Variants in EHD4 observed in about 807,000 individuals in gnomAD.
EHD4 encodes EH domain containing 4.
A neutral mutation model predicts 51.0 loss-of-function variants in EHD4; 37 were observed. The observed-to-expected ratio is 0.73, with a 90% CI of 0.56 to 0.95. The LOEUF (loss-of-function observed/expected upper bound fraction) is 0.95, where lower values mean the gene tolerates loss of function less well. EHD4 is among the 40% of genes least tolerant of loss of function. The pLI is 0.00. For missense variants in EHD4, 632 were observed against 733.1 expected, an observed-to-expected ratio of 0.86 and a Z score of 1.59; for synonymous variants, 297 against 317.3, an observed-to-expected ratio of 0.94 and a Z score of 0.68.
In EHD4 at chr15:41,901,158, G is replaced by T. The variant is rs148605069; in HGVS notation, c.1113C>A (p.Phe371Leu). Residue 371 changes from phenylalanine (F) to leucine (L), a missense_variant, in exon 6 of 6, where the codon TTC becomes TTA. Transcript: ENST00000220325. The part of the protein sequence containing the change: ...AMQEQLENYD[F>L]TKFHSLKPKL... ...TGGGCTTCAGCGAGTGGAATTTGGT[G>T]AAGTCATAGTTCTCAAGCTGTTCCT... 9.1e-4 allele frequency: 1,420 copies of T among 1,566,362 alleles called. 1 individual carries two copies. Among genetic ancestry groups the T allele is most frequent in the Admixed American group, 1.5e-3 (78 of 52,958 alleles).
At position 41,948,080 on chromosome 15, in the gene EHD4, C is replaced by G. The variant is rs889875836; in HGVS notation, c.414-4916G>C. ...ATCAGCCTGGCCAACACAGTGAAAC[C>G]CTGTCTGTACTAAAAATACAAAAAT... On this transcript the variant is annotated intron_variant, in intron 2 of 5. Transcript: ENST00000220325. Among the ~76,000 whole-genome samples the G allele has an allele frequency of 4.7e-5, 7 of 147,964 alleles. No individual in the cohort carries two copies. The East Asian group carries it at 5.8e-4, about 12-fold the overall frequency.
intron 1 of EHD4, among the ~76,000 whole-genome samples, chr15:41,971,687 G>A (rs1042070346): frequency 2.6e-5 from 4 of 152,166 alleles, no homozygotes; most frequent in African/African-American, 9.7e-5. Context: ...CACTTCCTAC[G>A]GGCGGCTAAA....
chr15:41,964,123 TGACA>T (rs1292000358), intron 1 of EHD4, among the ~76,000 whole-genome samples: 1 of 114,504 alleles, frequency 8.7e-6, no homozygotes, highest in Non-Finnish European at 1.6e-5. Flanking sequence ...CCAGCCTGGG[TGACA>T]GAGTGAGACT....
chr15:41,956,167 C>T (rs114509535), intron 1 of EHD4, among the ~76,000 whole-genome samples: 2,039 of 152,302 alleles, frequency 0.013, 37 homozygotes, highest in African/African-American at 0.046. Context: ...CTGGCCAAGA[C>T]GGCCTACAAA....
intron 1 of EHD4, among the ~76,000 whole-genome samples, chr15:41,954,280 C>T (rs1272332786): frequency 1.3e-5 from 2 of 152,172 alleles, no homozygotes; most frequent in African/African-American, 2.4e-5. Flanking sequence ...ACTACAATTA[C>T]TTGTTTATGG....
At chr15:41,903,337 A>AC (rs2067490439) in intron 5 of EHD4, among the ~76,000 whole-genome samples, 1 of 138,124 alleles carries the variant, frequency 7.2e-6, no homozygotes, top group South Asian at 2.3e-4. Context: ...TGTAAAAAAA[A>AC]AAAACAGAAA....
chr15:41,919,575 T>C lies in EHD4; in HGVS notation c.559A>G (p.Arg187Gly). Reference sequence around the variant, plus strand: ...TGAGCGTCAAAGAGCAGGATGATCCTGTCCACCCTCTCGGCAAACCACTGC... The same window carrying C: ...TGAGCGTCAAAGAGCAGGATGATCCCGTCCACCCTCTCGGCAAACCACTGC... ...VLQWFAERVD[R>G]IILLFDAHKL... is the part of the protein sequence containing the mutation. Residue 187 changes from arginine (R) to glycine (G), a missense_variant, in exon 4 of 6, where the codon AGG becomes GGG. Transcript: ENST00000220325. 6.6e-7 allele frequency: 1 copy of C among 1,519,894 alleles called. No homozygotes were observed. Among genetic ancestry groups the C allele is most frequent in the Non-Finnish European group, 8.8e-7 (1 of 1,135,478 alleles). 94.2% of individuals were successfully genotyped at this position (1,519,894 alleles called of 1,614,324 possible).
chr15:41,922,701 T>C (rs1301127163), intron 3 of EHD4, among the ~76,000 whole-genome samples: 1 of 152,246 alleles, frequency 6.6e-6, no homozygotes, highest in Non-Finnish European at 1.5e-5. Flanking sequence ...TTAAAAAAGA[T>C]GCCATTTCAA....
At chr15:41,917,175 C>T (rs1320596719) in intron 4 of EHD4, among the ~76,000 whole-genome samples, 4 of 151,922 alleles carry the variant, frequency 2.6e-5, no homozygotes, top group Non-Finnish European at 5.9e-5. Flanking sequence ...GGCTGGAGTG[C>T]AGTGGCACGA....
Position 41,897,280 on chromosome 15 carries a change from A to G in EHD4, c.*3365T>C, listed in dbSNP as rs1189480640. On this transcript the variant is annotated 3_prime_UTR_variant, in exon 6 of 6. Coordinates refer to ENST00000220325, the MANE Select transcript of EHD4 (RefSeq NM_139265.4). Reference sequence around the variant, plus strand: ...CATCTTCAAGGCAATTGTCTCAGGCATCCTCCAGGCATCATGAAGGAGGGT... The same window carrying G: ...CATCTTCAAGGCAATTGTCTCAGGCGTCCTCCAGGCATCATGAAGGAGGGT... 1.3e-5 allele frequency: 2 copies of G among 152,240 alleles called. No homozygotes were observed. The highest frequency in any genetic ancestry group is 3.9e-4 in the East Asian group (2 of 5,188). The allele number at this position is 152,240 out of a possible 1,614,324, so 9.4% of individuals were successfully genotyped here.
chr15:41,919,352 CAGA>C lies in EHD4; in HGVS notation c.779_781del (p.Phe260del). 6.2e-7 allele frequency: 1 copy of C among 1,614,174 alleles called. No homozygotes were observed. The highest frequency in any genetic ancestry group is 8.5e-7 in the Non-Finnish European group (1 of 1,180,028). ...GTCCGTGTTCTGCAGGGGCTGCGCC[CAGA>C]AGGAGCCAATGTAGACGCGCAGTAC... On this transcript the variant is annotated inframe_deletion, in exon 4 of 6. Transcript: ENST00000220325.
chr15:41,961,085 C>T (rs1475742741), intron 1 of EHD4, among the ~76,000 whole-genome samples: 1 of 152,214 alleles, frequency 6.6e-6, no homozygotes, highest in African/African-American at 2.4e-5. Flanking sequence ...TTTGAAACTG[C>T]TGTGCCTACT....
At chr15:41,968,898 A>G (rs1437914495) in intron 1 of EHD4, among the ~76,000 whole-genome samples, 1 of 152,236 alleles carries the variant, frequency 6.6e-6, no homozygotes, top group Non-Finnish European at 1.5e-5. Flanking sequence ...GAACATTTTC[A>G]TCACATCAAA....
In EHD4 at chr15:41,919,574, C is replaced by T. The variant is rs2067610441; in HGVS notation, c.560G>A (p.Arg187Lys). Residue 187 changes from arginine to lysine, a missense_variant, in exon 4 of 6, where the codon AGG becomes AAG. By Grantham distance (26) the Arg-to-Lys change is conservative. Transcript: ENST00000220325. Reference sequence around the variant, plus strand: ...GTGAGCGTCAAAGAGCAGGATGATCCTGTCCACCCTCTCGGCAAACCACTG... The same window carrying T: ...GTGAGCGTCAAAGAGCAGGATGATCTTGTCCACCCTCTCGGCAAACCACTG... ...VLQWFAERVD[R>K]IILLFDAHKL... 6.6e-7 allele frequency: 1 copy of T among 1,519,952 alleles called. No individual in the cohort carries two copies. Among genetic ancestry groups the T allele is most frequent in the South Asian group, 1.3e-5 (1 of 75,108 alleles). The allele number at this position is 1,519,952 out of a possible 1,614,324, so 94.2% of individuals were successfully genotyped here.
At position 41,972,447 on chromosome 15, in the gene EHD4, G is replaced by T; in HGVS notation, c.48C>A (p.Gly16=). 1 of 1,577,194 alleles carries T rather than the reference G, an allele frequency of 6.3e-7. No individual in the cohort carries two copies. Among genetic ancestry groups the T allele is most frequent in the South Asian group, 1.1e-5 (1 of 87,102 alleles). The change falls in exon 1 of 6, where the codon GGC becomes GGA. Residue 16 remains glycine (G), a synonymous_variant. Coordinates refer to ENST00000220325, the MANE Select transcript of EHD4 (RefSeq NM_139265.4). ...GRQAGGRERA[G]GADAVQTVTG... ...TCACCGTCTGCACCGCGTCCGCGCC[G>T]CCAGCGCGTTCGCGCCCGCCCGCCT...
intron 3 of EHD4, among the ~76,000 whole-genome samples, chr15:41,936,795 T>C (rs756036362): frequency 2.6e-5 from 4 of 152,188 alleles, no homozygotes; most frequent in African/African-American, 4.8e-5. Context: ...GCAGTAACAC[T>C]TGTGGTGTGG....
Position 41,919,427 on chromosome 15 carries a change from T to C in EHD4, c.707A>G (p.Tyr236Cys), listed in dbSNP as rs751987742. Residue 236 changes from tyrosine (Y) to cysteine (C), a missense_variant, in exon 4 of 6, where the codon TAC becomes TGC. Tyr to Cys is a radical substitution (Grantham distance 194). Coordinates refer to ENST00000220325, the MANE Select transcript of EHD4 (RefSeq NM_139265.4). ...GCCTAGGGACCACATGAGGGCCCCG[T>C]AGACCCGCATCAGCTGCTGCGTGTC... ...QVDTQQLMRVYGALMWSLGKV... is the reference protein window; with the variant it reads ...QVDTQQLMRVCGALMWSLGKV... The C allele has an allele frequency of 6.3e-6, 10 of 1,589,652 alleles. No individual in the cohort carries two copies. The Admixed American group carries it at 6.9e-5, about 11-fold the overall frequency.
chr15:41,945,726 A>G (rs2067807654), intron 2 of EHD4, among the ~76,000 whole-genome samples: 1 of 152,246 alleles, frequency 6.6e-6, no homozygotes, highest in African/African-American at 2.4e-5. Context: ...ATCAGAAAAA[A>G]TCCTAATGGT....
intron 5 of EHD4, among the ~76,000 whole-genome samples, chr15:41,907,528 A>G (rs1043333283): frequency 2.6e-5 from 4 of 152,122 alleles, no homozygotes; most frequent in African/African-American, 9.7e-5. Flanking sequence ...GTGCGTGTAT[A>G]TATTTTTTTG....
Sources: allele counts gnomAD v4.1 joint callset (sites outside exome capture counted in the v4.1 genomes callset), GRCh38; gene constraint gnomAD v4.1.1; transcripts MANE v1.5; gene names NCBI Gene and HGNC (gene_info 2026-07-23, HGNC 2026-07-21).